Variants in PLEKHD1 observed in about 807,000 individuals in gnomAD.
PLEKHD1 encodes pleckstrin homology domain-containing family D member 1.
A neutral mutation model predicts 69.2 loss-of-function variants in PLEKHD1; 51 were observed. The observed-to-expected ratio is 0.74, with a 90% confidence interval of 0.59 to 0.93. The LOEUF is 0.93. Among genes scored for constraint, PLEKHD1 ranks in the 40% least tolerant of loss-of-function variants. PLEKHD1 has a pLI of 0.00. For synonymous variants in PLEKHD1, 236 were observed against 244.7 expected, an observed-to-expected ratio of 0.96 and a Z score of 0.33; for missense variants, 584 against 641.0, an observed-to-expected ratio of 0.91 and a Z score of 0.96.
At chr14:69,518,848 G>T (rs1482152522) in intron 6 of PLEKHD1, among the ~76,000 whole-genome samples, 5 of 152,178 alleles carry the variant, frequency 3.3e-5, no homozygotes, top group Non-Finnish European at 5.9e-5. Context: ...GAAATGGGGT[G>T]CCTCCTCCCC....
At chr14:69,489,029 A>G (rs1000422055) in intron 1 of PLEKHD1, among the ~76,000 whole-genome samples, 2 of 149,540 alleles carry the variant, frequency 1.3e-5, no homozygotes, top group African/African-American at 4.9e-5. Context: ...CTGGGGTCGT[A>G]TGATTATTTA....
At chr14:69,526,214 G>GT in intron 9 of PLEKHD1, 92 bp downstream of exon 9, 1 of 1,347,496 alleles carries the variant, frequency 7.4e-7, no homozygotes, top group Non-Finnish European at 9.9e-7. Flanking sequence ...GTTCTACTTG[G>GT]CACTGACCAA....
the PLEKHD1 span, among the ~76,000 whole-genome samples, chr14:69,474,043 G>A: frequency 6.9e-6 from 1 of 145,656 alleles, no homozygotes; most frequent in African/African-American, 2.5e-5. Flanking sequence ...GACAAACTGA[G>A]AGGAGCGGGG....
intron 6 of PLEKHD1, among the ~76,000 whole-genome samples, chr14:69,506,857 G>T (rs1163536193): frequency 2.2e-5 from 3 of 134,098 alleles, no homozygotes; most frequent in Non-Finnish European, 4.7e-5. Flanking sequence ...CCCTAAAAAT[G>T]CTCATTTCAC....
intron 6 of PLEKHD1, among the ~76,000 whole-genome samples, chr14:69,520,542 A>G (rs1194588677): frequency 6.6e-6 from 1 of 152,056 alleles, no homozygotes; most frequent in Non-Finnish European, 1.5e-5. Context: ...CAGCCTGGCC[A>G]ACCTGGTGAA....
chr14:69,527,676 G>A (rs1883687001), intron 11 of PLEKHD1, 107 bp from the exon 12 acceptor site: 20 of 1,394,930 alleles, frequency 1.4e-5, no homozygotes, highest in Non-Finnish European at 1.9e-5. Context: ...GAGGGACGGG[G>A]TCAAAATATT....
At chr14:69,481,562 G>A (rs1370383192), upstream of PLEKHD1, among the ~76,000 whole-genome samples, 1 of 152,190 alleles carries the variant, frequency 6.6e-6, no homozygotes, top group East Asian at 1.9e-4. Flanking sequence ...AAGGACTCAG[G>A]CCAAACTTCA....
At chr14:69,489,558 C>CAAAAAAAAAA (rs1166429791) in intron 1 of PLEKHD1, among the ~76,000 whole-genome samples, 2 of 59,888 alleles carry the variant, frequency 3.3e-5, no homozygotes, top group Admixed American at 2.7e-4. Context: ...TACTCCATCT[C>CAAAAAAAAAA]AAAAAAAAAA....
intron 1 of PLEKHD1, among the ~76,000 whole-genome samples, chr14:69,494,749 G>T (rs1442098361): frequency 6.6e-6 from 1 of 152,218 alleles, no homozygotes; most frequent in African/African-American, 2.4e-5. Flanking sequence ...GGGGACTTTG[G>T]AATAGGGTGG....
chr14:69,489,475 C>T (rs1882725470), intron 1 of PLEKHD1, among the ~76,000 whole-genome samples: 1 of 138,702 alleles, frequency 7.2e-6, no homozygotes, highest in Non-Finnish European at 1.5e-5. Flanking sequence ...AGGAGAATCG[C>T]TCGAACCTAG....
At chr14:69,488,173 G>A (rs1882696334) in intron 1 of PLEKHD1, among the ~76,000 whole-genome samples, 1 of 152,184 alleles carries the variant, frequency 6.6e-6, no homozygotes, top group Admixed American at 6.5e-5. Context: ...TGGAGCCATG[G>A]AGACAGTGGC....
chr14:69,475,809 G>T, the PLEKHD1 span, among the ~76,000 whole-genome samples: 9 of 152,166 alleles, frequency 5.9e-5, no homozygotes, highest in Admixed American at 5.9e-4. Context: ...GCACCTTCAT[G>T]TGGTACCTTG....
the PLEKHD1 span, among the ~76,000 whole-genome samples, chr14:69,469,650 A>C: frequency 7.2e-5 from 11 of 151,840 alleles, no homozygotes; most frequent in African/African-American, 2.7e-4. Context: ...GCCTCAAGCA[A>C]TTCTCCCGCC....
the PLEKHD1 span, among the ~76,000 whole-genome samples, chr14:69,468,097 T>C: frequency 2.0e-5 from 3 of 152,190 alleles, no homozygotes; most frequent in Non-Finnish European, 4.4e-5. Context: ...ACACAGTTAT[T>C]CATGAAGAGG....
chr14:69,493,251 A>G (rs1389491788), intron 1 of PLEKHD1, among the ~76,000 whole-genome samples: 2 of 152,238 alleles, frequency 1.3e-5, no homozygotes, highest in South Asian at 2.1e-4. Flanking sequence ...CTGCAGAGAT[A>G]GCAGAGATAA....
chr14:69,531,044 C>T lies in PLEKHD1; in HGVS notation c.*2625C>T, dbSNP rs950127236. 8 of 151,982 alleles carry T rather than the reference C, an allele frequency of 5.3e-5. No homozygotes were observed. Among genetic ancestry groups the T allele is most frequent in the African/African-American group, 1.9e-4 (8 of 41,330 alleles). 9.4% of individuals were successfully genotyped at this position (151,982 alleles called of 1,614,324 possible). ...GGCTGAGACAGGAGAATCACTTGAA[C>T]CTGGGAGGTGGAGGTTGCAGTGAGC... On this transcript the variant is annotated 3_prime_UTR_variant, in exon 13 of 13. Coordinates refer to ENST00000322564, the MANE Select transcript of PLEKHD1 (RefSeq NM_001161498.2).
At chr14:69,527,489 A>G (rs989696027) in intron 11 of PLEKHD1, among the ~76,000 whole-genome samples, 157 bp downstream of exon 11, 1 of 152,246 alleles carries the variant, frequency 6.6e-6, no homozygotes, top group African/African-American at 2.4e-5. Flanking sequence ...GCCTGCAGGC[A>G]TCTCAGCACC....
chr14:69,500,508 G>T (rs1234128909), intron 2 of PLEKHD1, 69 bp from the exon 3 acceptor site: 2 of 1,354,094 alleles, frequency 1.5e-6, no homozygotes, highest in Admixed American at 5.1e-5. Context: ...CTTTGTCCAG[G>T]GGCCCCCAGA....
chr14:69,467,881 T>C, the PLEKHD1 span, among the ~76,000 whole-genome samples: 1 of 152,200 alleles, frequency 6.6e-6, no homozygotes, highest in Non-Finnish European at 1.5e-5. Context: ...CCTCAGAAGC[T>C]CCTTGGAATT....
Sources: gnomAD v4.1 joint callset for allele counts (sites outside exome capture counted in the v4.1 genomes callset) on GRCh38, gnomAD v4.1.1 for gene constraint, MANE v1.5 for transcripts, NCBI Gene and HGNC (gene_info 2026-07-23, HGNC 2026-07-21) for gene names.